CNTN5: variants seen among roughly 807,000 people sequenced by gnomAD.
CNTN5 encodes contactin 5.
Under a neutral mutation model 129.1 loss-of-function variants are expected in CNTN5, and 77 were observed. The ratio of observed to expected loss-of-function variants is 0.60; its 90% CI spans 0.50 to 0.72. The LOEUF (loss-of-function observed/expected upper bound fraction) is 0.72. Among genes scored for constraint, CNTN5 ranks in the 30% least tolerant of loss-of-function variants. CNTN5 has a pLI of 0.00. For synonymous variants in CNTN5, 509 were observed against 465.6 expected (o/e 1.09, Z -1.20); for missense variants, 1,478 against 1,328.8 (o/e 1.11, Z -1.75).
In CNTN5 at chr11:99,249,184, C is replaced by G. The variant is rs999333507; in HGVS notation, c.-209-76162C>G. 4.6e-5 allele frequency among the ~76,000 whole-genome samples: 7 copies of G among 152,168 alleles called. No individual in the cohort carries two copies. The South Asian group carries it at 1.2e-3, about 27-fold the overall frequency. On this transcript the variant is annotated intron_variant, in intron 1 of 24. Coordinates refer to ENST00000524871, the MANE Select transcript of CNTN5 (RefSeq NM_014361.4). ...TTCTCCTTGAAGAGGTCTTTCATGTCCCTTGTAAGTTGGATTCCTAGGTAT... is the reference window on the plus strand; with the variant it reads ...TTCTCCTTGAAGAGGTCTTTCATGTGCCTTGTAAGTTGGATTCCTAGGTAT...
At chr11:99,944,788 A>G (rs1950518985) in intron 7 of CNTN5, among the ~76,000 whole-genome samples, 1 of 152,088 alleles carries the variant, frequency 6.6e-6, no homozygotes, top group African/African-American at 2.4e-5. Flanking sequence ...ATACATACCT[A>G]GGAATACAAC....
chr11:99,772,925 T>A (rs183377701), intron 3 of CNTN5, among the ~76,000 whole-genome samples: 64 of 152,216 alleles, frequency 4.2e-4, no homozygotes, highest in Non-Finnish European at 2.9e-4. Flanking sequence ...TTGTATTGTC[T>A]AAGTCAGAAT....
At chr11:99,347,313 G>A (rs909474093) in intron 2 of CNTN5, among the ~76,000 whole-genome samples, 3 of 152,074 alleles carry the variant, frequency 2.0e-5, no homozygotes, top group Non-Finnish European at 4.4e-5. Context: ...TTATCAAAGG[G>A]TAAAACAATG....
At chr11:99,323,785 T>C (rs578000619) in intron 1 of CNTN5, among the ~76,000 whole-genome samples, 4 of 152,294 alleles carry the variant, frequency 2.6e-5, no homozygotes, top group African/African-American at 9.6e-5. Flanking sequence ...ACAAAATTCC[T>C]GCCTTTTTTA....
At chr11:99,404,093 T>G (rs1260475505) in intron 2 of CNTN5, among the ~76,000 whole-genome samples, 4 of 152,146 alleles carry the variant, frequency 2.6e-5, no homozygotes, top group African/African-American at 9.6e-5. Flanking sequence ...ATTGATCCCT[T>G]AATCATTATA....
chr11:99,191,368 T>C (rs1179371846), intron 1 of CNTN5, among the ~76,000 whole-genome samples: 2 of 151,768 alleles, frequency 1.3e-5, no homozygotes, highest in Admixed American at 1.3e-4. Flanking sequence ...GGAAATATTA[T>C]CTTTCCTTCA....
At chr11:99,162,229 CAGTAA>C (rs1860650912) in intron 1 of CNTN5, among the ~76,000 whole-genome samples, 2 of 151,810 alleles carry the variant, frequency 1.3e-5, no homozygotes, top group East Asian at 3.9e-4. Context: ...CAGTTCTCCC[CAGTAA>C]AACACCAGGA....
intron 7 of CNTN5, among the ~76,000 whole-genome samples, chr11:99,940,357 A>G (rs1004762538): frequency 7.2e-5 from 11 of 152,184 alleles, no homozygotes; most frequent in African/African-American, 1.9e-4. Flanking sequence ...TTTGAAATAA[A>G]GAGACAATAA....
intron 6 of CNTN5, among the ~76,000 whole-genome samples, chr11:99,901,000 C>A (rs546020226): frequency 6.6e-6 from 1 of 152,200 alleles, no homozygotes; most frequent in South Asian, 2.1e-4. Flanking sequence ...GGAATTTTGC[C>A]TCTATTATTT....
chr11:99,786,647 C>A lies in CNTN5; in HGVS notation c.56-32897C>A, dbSNP rs191362252. ...AATGGAAACAGCATGGTACTGGTAC[C>A]AAAACAGACATATAGACCAATGGAA... On this transcript the variant is annotated intron_variant, in intron 3 of 24. Coordinates refer to ENST00000524871, the MANE Select transcript of CNTN5 (RefSeq NM_014361.4). Among the ~76,000 whole-genome samples, 371 of 152,158 alleles carry A rather than the reference C, an allele frequency of 2.4e-3. 4 individuals carry two copies. The highest frequency in any genetic ancestry group is 7.1e-3 in the African/African-American group (295 of 41,500).
chr11:99,875,615 T>C (rs1477528230), intron 6 of CNTN5, among the ~76,000 whole-genome samples: 2 of 152,146 alleles, frequency 1.3e-5, no homozygotes, highest in African/African-American at 2.4e-5. Flanking sequence ...TCCTCAGATA[T>C]ACCTCCCTAA....
chr11:99,186,314 T>C (rs958102654), intron 1 of CNTN5, among the ~76,000 whole-genome samples: 4 of 151,968 alleles, frequency 2.6e-5, no homozygotes, highest in African/African-American at 7.2e-5. Flanking sequence ...ATAGCACTCA[T>C]ACCTTGTAGA....
chr11:99,179,981 C>T (rs958613224), intron 1 of CNTN5, among the ~76,000 whole-genome samples: 6 of 152,100 alleles, frequency 3.9e-5, no homozygotes, highest in African/African-American at 1.4e-4. Context: ...CTCTATATCT[C>T]CCTGAACAGC....
chr11:99,599,288 C>T (rs906320400), intron 3 of CNTN5, among the ~76,000 whole-genome samples: 3 of 151,796 alleles, frequency 2.0e-5, no homozygotes, highest in South Asian at 4.2e-4. Context: ...TTGAAAATGT[C>T]TCCACCTTTC....
chr11:99,237,615 A>C (rs1020476525), intron 1 of CNTN5, among the ~76,000 whole-genome samples: 5 of 151,990 alleles, frequency 3.3e-5, no homozygotes, highest in African/African-American at 4.8e-5. Context: ...CGGGAGGCGG[A>C]GGTTGCAGTG....
chr11:99,751,262 G>C (rs1163897074), intron 3 of CNTN5, among the ~76,000 whole-genome samples: 1 of 152,170 alleles, frequency 6.6e-6, no homozygotes, highest in Non-Finnish European at 1.5e-5. Context: ...GCTTGAACTT[G>C]TGAGGCGAAG....
At chr11:99,969,709 C>G (rs1205074331) in intron 8 of CNTN5, among the ~76,000 whole-genome samples, 1 of 152,054 alleles carries the variant, frequency 6.6e-6, no homozygotes, top group Non-Finnish European at 1.5e-5. Context: ...TTTGTTCTCC[C>G]AAACTCTTTC....
chr11:99,069,534 G>A (rs1380275727), intron 1 of CNTN5, among the ~76,000 whole-genome samples: 1 of 152,116 alleles, frequency 6.6e-6, no homozygotes, highest in African/African-American at 2.4e-5. Flanking sequence ...CGAATGCATT[G>A]CAATGTGATT....
chr11:99,816,277 T>G (rs573866662), intron 3 of CNTN5, among the ~76,000 whole-genome samples: 1 of 152,290 alleles, frequency 6.6e-6, no homozygotes, highest in Non-Finnish European at 1.5e-5. Flanking sequence ...AACACCCTAT[T>G]TCTTATTTCA....
Sources: gnomAD v4.1 joint callset for allele counts (sites outside exome capture counted in the v4.1 genomes callset) on GRCh38, gnomAD v4.1.1 for gene constraint, MANE v1.5 for transcripts, NCBI Gene and HGNC (gene_info 2026-07-23, HGNC 2026-07-21) for gene names.